VDAC1: variants seen among roughly 807,000 people sequenced by gnomAD.
The protein encoded by VDAC1 is voltage dependent anion channel 1.
In VDAC1, 10 loss-of-function variants were observed where a neutral mutation model predicts 34.7. That is an observed-to-expected ratio of 0.29 (90% confidence interval 0.18 to 0.49). The LOEUF (loss-of-function observed/expected upper bound fraction) is 0.49, where lower values mean the gene tolerates loss of function less well. Ranked by LOEUF, VDAC1 falls within the 20% of genes least tolerant of loss-of-function variation. The pLI is 0.99. For missense variants in VDAC1, 230 were observed against 347.9 expected, an observed-to-expected ratio of 0.66 and a Z score of 2.69; for synonymous variants, 130 against 136.0, an observed-to-expected ratio of 0.96 and a Z score of 0.30.
At chr5:134,046,382 G>A in the VDAC1 span, among the ~76,000 whole-genome samples, 1 of 151,764 alleles carries the variant, frequency 6.6e-6, no homozygotes, top group South Asian at 2.1e-4. Context: ...TGTTGCCCAG[G>A]CTGGTCTTGA....
Position 133,980,776 on chromosome 5 carries a change from G to A in VDAC1, c.504C>T (p.Asn168=), listed in dbSNP as rs1752664456. The change falls in exon 6 of 9, where the codon AAC becomes AAT. Residue 168 remains asparagine (N), a synonymous_variant. Transcript: ENST00000265333. ...ETAKSRVTQS[N]FAVGYKTDEF... ...CATCAGTCTTGTAGCCAACTGCAAA[G>A]TTGCTCTGGGTCACTCGGGATTTTG... 2 of 1,332,582 alleles carry A rather than the reference G, an allele frequency of 1.5e-6. No individual in the cohort carries two copies. The highest frequency in any genetic ancestry group is 9.8e-7 in the Non-Finnish European group (1 of 1,016,140). The allele number at this position is 1,332,582 out of a possible 1,614,324, so 82.5% of individuals were successfully genotyped here. A position where few individuals can be genotyped will look rare whatever the true frequency, so the allele number is the denominator to read the frequency against.
At chr5:134,041,392 A>G in the VDAC1 span, among the ~76,000 whole-genome samples, 2 of 152,220 alleles carry the variant, frequency 1.3e-5, no homozygotes, top group African/African-American at 4.8e-5. Flanking sequence ...TAAACCAAGC[A>G]GTGTAGGGGC....
At chr5:134,097,421 G>GA in the VDAC1 span, among the ~76,000 whole-genome samples, 1 of 152,084 alleles carries the variant, frequency 6.6e-6, no homozygotes, top group Middle Eastern at 3.4e-3. Flanking sequence ...AGGGTCCAGG[G>GA]AAAAAAAGGT....
chr5:134,089,689 G>T, the VDAC1 span, among the ~76,000 whole-genome samples: 4 of 114,672 alleles, frequency 3.5e-5, no homozygotes, highest in Non-Finnish European at 6.4e-5. Context: ...GTGGCTCATG[G>T]CCGGGTGCGG....
chr5:134,093,118 G>A, the VDAC1 span, among the ~76,000 whole-genome samples: 3 of 152,236 alleles, frequency 2.0e-5, no homozygotes, highest in East Asian at 1.9e-4. Flanking sequence ...TGGCAAGCCT[G>A]CATGTACTTG....
At chr5:134,018,217 G>A in the VDAC1 span, among the ~76,000 whole-genome samples, 2 of 152,348 alleles carry the variant, frequency 1.3e-5, no homozygotes, top group South Asian at 2.1e-4. Flanking sequence ...AGGCCAACAA[G>A]GAGCAGGTAC....
the VDAC1 span, among the ~76,000 whole-genome samples, chr5:134,034,456 AGG>A: frequency 6.6e-6 from 1 of 152,196 alleles, no homozygotes; most frequent in Admixed American, 6.5e-5. Context: ...TGCGTGACAC[AGG>A]CCCTGCCAAG....
chr5:134,102,546 T>TA, the VDAC1 span, among the ~76,000 whole-genome samples: 1 of 151,896 alleles, frequency 6.6e-6, no homozygotes, highest in African/African-American at 2.4e-5. Context: ...CGCAAACCTG[T>TA]AATCCCAGCT....
chr5:133,997,547 A>T (rs908813599), intron 1 of VDAC1, among the ~76,000 whole-genome samples: 31 of 149,654 alleles, frequency 2.1e-4, no homozygotes, highest in African/African-American at 4.8e-4. Context: ...AAAATAAAAA[A>T]AAAATAAAAA....
chr5:134,091,356 C>T, the VDAC1 span, among the ~76,000 whole-genome samples: 1 of 152,174 alleles, frequency 6.6e-6, no homozygotes, highest in Non-Finnish European at 1.5e-5. Context: ...CCAGGTTTTC[C>T]CCCTAACTTG....
At chr5:134,040,730 T>C in the VDAC1 span, among the ~76,000 whole-genome samples, 3 of 152,178 alleles carry the variant, frequency 2.0e-5, no homozygotes, top group East Asian at 5.8e-4. Context: ...CTGTCTCAAA[T>C]ATAAAATTAA....
At chr5:134,053,068 T>C in the VDAC1 span, among the ~76,000 whole-genome samples, 1 of 151,986 alleles carries the variant, frequency 6.6e-6, no homozygotes, top group African/African-American at 2.4e-5. Flanking sequence ...TGAGCTGAGA[T>C]AGCGCCATTG....
At chr5:134,080,589 G>A in the VDAC1 span, among the ~76,000 whole-genome samples, 2 of 152,214 alleles carry the variant, frequency 1.3e-5, no homozygotes, top group African/African-American at 4.8e-5. Flanking sequence ...AGTCGCGGAG[G>A]TACAGTATCA....
At chr5:133,980,689 A>ACGGC in intron 6 of VDAC1, 40 bp downstream of exon 6, 1 of 564,056 alleles carries the variant, frequency 1.8e-6, no homozygotes, top group East Asian at 3.4e-5. Context: ...ACATGCTCCA[A>ACGGC]CCCCACCCCT....
At chr5:134,085,323 C>A in the VDAC1 span, among the ~76,000 whole-genome samples, 1 of 152,046 alleles carries the variant, frequency 6.6e-6, no homozygotes, top group Non-Finnish European at 1.5e-5. Context: ...CTGCCTCGGC[C>A]TCCCAAAGTG....
chr5:134,043,344 C>CTGAACTGAGGTTCAGAGAAGCAAAGCAAA, the VDAC1 span, among the ~76,000 whole-genome samples: 24 of 152,122 alleles, frequency 1.6e-4, no homozygotes, highest in Middle Eastern at 3.2e-3. Flanking sequence ...AGCAAAGCAA[C>CTGAACTGAGGTTCAGAGAAGCAAAGCAAA]GTACTCCAGG....
the VDAC1 span, among the ~76,000 whole-genome samples, chr5:134,095,392 G>A: frequency 3.9e-5 from 6 of 151,944 alleles, no homozygotes; most frequent in Non-Finnish European, 8.8e-5. Context: ...CTGAGGTGGG[G>A]TGATTGCTTG....
the VDAC1 span, among the ~76,000 whole-genome samples, chr5:134,024,508 G>A: frequency 3.5e-5 from 5 of 143,698 alleles, no homozygotes; most frequent in Admixed American, 7.2e-5. Context: ...CAGCCTGGGC[G>A]AGAGAGTGAG....
At chr5:134,002,467 C>T (rs1185349474) in intron 1 of VDAC1, among the ~76,000 whole-genome samples, 1 of 152,208 alleles carries the variant, frequency 6.6e-6, no homozygotes, top group Non-Finnish European at 1.5e-5. Context: ...TGTAGAATCC[C>T]AGTCACCCAT....
Sources: gnomAD v4.1 joint callset for allele counts (sites outside exome capture counted in the v4.1 genomes callset) on GRCh38, gnomAD v4.1.1 for gene constraint, MANE v1.5 for transcripts, NCBI Gene and HGNC (gene_info 2026-07-23, HGNC 2026-07-21) for gene names.